DCP2: variants seen among roughly 807,000 people sequenced by gnomAD.
DCP2 encodes decapping mRNA 2, also known as m7GpppN-mRNA hydrolase.
DCP2 carries 30 observed loss-of-function variants against 56.1 expected under a neutral mutation model. The ratio of observed to expected loss-of-function variants is 0.53; its 90% CI spans 0.40 to 0.73. The LOEUF (loss-of-function observed/expected upper bound fraction) is 0.73, where lower values mean the gene tolerates loss of function less well. Ranked by LOEUF, DCP2 falls within the 30% of genes least tolerant of loss-of-function variation. The pLI is 0.00. For missense variants in DCP2, 533 were observed against 502.7 expected (o/e 1.06, Z -0.58); for synonymous variants, 197 against 163.3 (o/e 1.21, Z -1.57).
At chr5:112,996,798 A>G in intron 4 of DCP2, among the ~76,000 whole-genome samples, 1 of 152,138 alleles carries the variant, frequency 6.6e-6, no homozygotes, top group Non-Finnish European at 1.5e-5. Flanking sequence ...CTATTTCTGG[A>G]TAGTTTATTC....
intron 4 of DCP2, among the ~76,000 whole-genome samples, chr5:112,999,300 C>T (rs917209297): frequency 1.7e-4 from 26 of 151,972 alleles, no homozygotes; most frequent in African/African-American, 6.3e-4. Flanking sequence ...AATTAAGAAA[C>T]ATATAAAAAT....
intron 4 of DCP2, among the ~76,000 whole-genome samples, chr5:113,000,223 A>G (rs1483440775): frequency 6.6e-6 from 1 of 151,934 alleles, no homozygotes; most frequent in Non-Finnish European, 1.5e-5. Flanking sequence ...CTCCCAAAGT[A>G]CTGAGATTGC....
At chr5:113,006,542 T>C (rs1199176146) in intron 8 of DCP2, among the ~76,000 whole-genome samples, 1 of 152,216 alleles carries the variant, frequency 6.6e-6, no homozygotes, top group Non-Finnish European at 1.5e-5. Context: ...CATCACTTAC[T>C]TAGGTTATTG....
intron 4 of DCP2, among the ~76,000 whole-genome samples, chr5:112,998,104 T>C (rs1234320441): frequency 6.6e-6 from 1 of 152,220 alleles, no homozygotes; most frequent in African/African-American, 2.4e-5. Context: ...TTATAACTTT[T>C]TCCTGGCAAA....
intron 1 of DCP2, among the ~76,000 whole-genome samples, chr5:112,981,854 C>G (rs925104597): frequency 6.6e-6 from 1 of 152,092 alleles, no homozygotes; most frequent in Non-Finnish European, 1.5e-5. Context: ...CACTGCAACC[C>G]GTGTCTCCTG....
intron 3 of DCP2, among the ~76,000 whole-genome samples, 194 bp from the exon 4 acceptor site, chr5:112,992,478 T>C (rs1263989020): frequency 6.6e-6 from 1 of 152,222 alleles, no homozygotes; most frequent in Non-Finnish European, 1.5e-5. Flanking sequence ...GAAGACTTTT[T>C]TTTTTTAAAT....
At chr5:112,990,320 C>A (rs1289390318) in intron 2 of DCP2, among the ~76,000 whole-genome samples, 1 of 152,170 alleles carries the variant, frequency 6.6e-6, no homozygotes, top group African/African-American at 2.4e-5. Context: ...CCTCTGTTTT[C>A]TCTTTTGTAA....
chr5:112,982,047 C>T (rs1210601823), intron 1 of DCP2, among the ~76,000 whole-genome samples: 6 of 152,284 alleles, frequency 3.9e-5, no homozygotes, highest in East Asian at 1.9e-4. Context: ...GGATTACAGG[C>T]GGGAGCCACC....
rs904011143 is a variant in DCP2, at chr5:113,016,125, A to G, written c.*2641A>G. 1 of 152,660 alleles carries G rather than the reference A, an allele frequency of 6.6e-6. No individual in the cohort carries two copies. The highest frequency in any genetic ancestry group is 1.5e-5 in the Non-Finnish European group (1 of 68,038). 9.5% of individuals were successfully genotyped at this position (152,660 alleles called of 1,614,324 possible). On this transcript the variant is annotated 3_prime_UTR_variant, in exon 11 of 11. Coordinates refer to ENST00000389063, the MANE Select transcript of DCP2 (RefSeq NM_152624.6). ...GTAGGTGCTTTTATGTATAACTTTA[A>G]TGATTTATAAGATGCTAAATGAATT...
At chr5:112,978,007 T>A (rs1747801310) in intron 1 of DCP2, among the ~76,000 whole-genome samples, 1 of 152,046 alleles carries the variant, frequency 6.6e-6, no homozygotes, top group South Asian at 2.1e-4. Context: ...AGACGGAGCC[T>A]CTTTCTTTTG....
intron 4 of DCP2, among the ~76,000 whole-genome samples, chr5:112,995,852 AAACAAATT>A (rs1748822522): frequency 6.6e-6 from 1 of 152,228 alleles, no homozygotes; most frequent in Admixed American, 6.5e-5. Flanking sequence ...GGAGTGGCTT[AAACAAATT>A]TATTTTGCAA....
chr5:112,989,512 A>C (rs1748477363), intron 2 of DCP2, among the ~76,000 whole-genome samples: 1 of 152,178 alleles, frequency 6.6e-6, no homozygotes, highest in South Asian at 2.1e-4. Flanking sequence ...GAAATGAAAA[A>C]AGTTACTGTA....
chr5:113,006,763 A>AAATTC (rs1473346517), intron 8 of DCP2, among the ~76,000 whole-genome samples: 1 of 152,182 alleles, frequency 6.6e-6, no homozygotes, highest in Non-Finnish European at 1.5e-5. Context: ...TGGTAGGAAA[A>AAATTC]TTATCTTAAA....
intron 4 of DCP2, among the ~76,000 whole-genome samples, chr5:112,994,978 G>T (rs958858148): frequency 6.6e-6 from 1 of 152,082 alleles, no homozygotes; most frequent in Non-Finnish European, 1.5e-5. Context: ...TCGATTTCCT[G>T]CAACAATGTT....
At position 113,013,433 on chromosome 5, in the gene DCP2, T is replaced by C. The variant is rs568235501; in HGVS notation, c.1212T>C (p.Phe404=). 6.2e-7 allele frequency: 1 copy of C among 1,614,148 alleles called. No homozygotes were observed. The highest frequency in any genetic ancestry group is 2.2e-5 in the East Asian group (1 of 44,870). Residue 404 remains phenylalanine (F), a synonymous_variant, in exon 11 of 11, where the codon TTT becomes TTC. Transcript: ENST00000389063. ...HCKFPFSSRA[F]LSFKFDHNAI... is the part of the protein sequence containing the mutation. ...AGTTCCCCTTTTCATCCAGAGCCTT[T>C]TTGAGTTTCAAGTTTGACCATAATG... is the stretch of plus-strand genomic sequence containing the variant.
At chr5:113,012,433 G>A (rs1331878767) in intron 10 of DCP2, among the ~76,000 whole-genome samples, 1 of 152,128 alleles carries the variant, frequency 6.6e-6, no homozygotes, top group Non-Finnish European at 1.5e-5. Context: ...ATTTTGAGTT[G>A]TCTTGAGAAG....
intron 1 of DCP2, among the ~76,000 whole-genome samples, chr5:112,981,297 A>G (rs1412958525): frequency 6.6e-6 from 1 of 152,060 alleles, no homozygotes; most frequent in African/African-American, 2.4e-5. Context: ...GGTGTGAACT[A>G]CCATGCTGGC....
At chr5:113,009,786 CATATG>C (rs1255246457) in intron 9 of DCP2, among the ~76,000 whole-genome samples, 3 of 152,122 alleles carry the variant, frequency 2.0e-5, no homozygotes, top group Admixed American at 1.3e-4. Flanking sequence ...GACACTAGTA[CATATG>C]ATATAATTCC....
chr5:112,980,420 T>A (rs1747948384), intron 1 of DCP2, among the ~76,000 whole-genome samples: 1 of 152,204 alleles, frequency 6.6e-6, no homozygotes, highest in African/African-American at 2.4e-5. Context: ...ACCGGAACAT[T>A]TTTCTACTAA....
Sources: allele counts gnomAD v4.1 joint callset (sites outside exome capture counted in the v4.1 genomes callset), GRCh38; gene constraint gnomAD v4.1.1; transcripts MANE v1.5; gene names NCBI Gene and HGNC (gene_info 2026-07-23, HGNC 2026-07-21).